MRPS35: variants seen among roughly 807,000 people sequenced by gnomAD.
MRPS35 encodes the protein small ribosomal subunit protein mS35.
In MRPS35, 29 loss-of-function variants were observed where a neutral mutation model predicts 32.7. The ratio of observed to expected loss-of-function variants is 0.89; its 90% CI spans 0.66 to 1.21. MRPS35 has a LOEUF of 1.21. MRPS35 is among the 50% of genes most tolerant of loss of function. MRPS35 has a pLI of 0.00. For synonymous variants in MRPS35, 148 were observed against 139.3 expected (o/e 1.06, Z -0.44); for missense variants, 373 against 383.8 (o/e 0.97, Z 0.23).
rs1387679667 is a variant in MRPS35, at chr12:27,716,334, G to A, written c.197G>A (p.Trp66Ter). The change falls in exon 3 of 8, where the codon TGG (tryptophan) becomes TAG (stop). Residue 66 changes from tryptophan to a stop codon, truncating the protein, a stop_gained. Coordinates refer to ENST00000081029, the MANE Select transcript of MRPS35 (RefSeq NM_021821.4). LOFTEE classifies it high-confidence loss of function. ...GAGAAAATGGCTGTTGACCAGGACTGGCCTAGTGTTTACCCAGTTGCAGCA... is the reference window on the plus strand; with the variant it reads ...GAGAAAATGGCTGTTGACCAGGACTAGCCTAGTGTTTACCCAGTTGCAGCA... The part of the protein sequence containing the change: ...RTEKMAVDQD[W>*]PSVYPVAAPF... 2 of 1,613,954 alleles carry A rather than the reference G, an allele frequency of 1.2e-6. No homozygotes were observed. The highest frequency in any genetic ancestry group is 4.5e-5 in the East Asian group (2 of 44,888).
Position 27,755,459 on chromosome 12 carries a change from G to A in MRPS35, c.*9G>A. ...TATTAAATGTGACATGAATTATGGA[G>A]TAGAAAAATCTGCTTGATTTATTAA... On this transcript the variant is annotated 3_prime_UTR_variant, in exon 8 of 8. Coordinates refer to ENST00000081029, the MANE Select transcript of MRPS35 (RefSeq NM_021821.4). The A allele has an allele frequency of 6.6e-7, 1 of 1,522,904 alleles. No individual in the cohort carries two copies. The highest frequency in any genetic ancestry group is 8.8e-7 in the Non-Finnish European group (1 of 1,142,464). The allele number at this position is 1,522,904 out of a possible 1,614,324, so 94.3% of individuals were successfully genotyped here. A position where few individuals can be genotyped will look rare whatever the true frequency, so the allele number is the denominator to read the frequency against.
intron 7 of MRPS35, chr12:27,753,118 T>C (rs1385584795): frequency 6.6e-6 from 1 of 152,188 alleles, no homozygotes; most frequent in Non-Finnish European, 1.5e-5. Context: ...CTAGAACATA[T>C]GCTGAGACGC....
chr12:27,744,312 G>T (rs146025240), intron 7 of MRPS35, among the ~76,000 whole-genome samples: 1 of 152,170 alleles, frequency 6.6e-6, no homozygotes, highest in Non-Finnish European at 1.5e-5. Context: ...CAGCTATTGA[G>T]GCTGGGCGCG....
At chr12:27,743,845 TGTC>T (rs1256227391) in intron 7 of MRPS35, among the ~76,000 whole-genome samples, 1 of 152,194 alleles carries the variant, frequency 6.6e-6, no homozygotes, top group African/African-American at 2.4e-5. Flanking sequence ...TGCAGATGGC[TGTC>T]GTCTTACTGT....
Position 27,751,862 on chromosome 12 carries a change from C to T in MRPS35, c.703-3319C>T, listed in dbSNP as rs189754351. Among the ~76,000 whole-genome samples the T allele has an allele frequency of 2.6e-4, 39 of 152,344 alleles. 3 individuals carry two copies. The East Asian group carries it at 6.2e-3, about 24-fold the overall frequency. On this transcript the variant is annotated intron_variant, in intron 7 of 7. Coordinates refer to ENST00000081029, the MANE Select transcript of MRPS35 (RefSeq NM_021821.4). ...TAACAAGTGGGGGTGTGCGCCTGCA[C>T]GCCAAACTCGCTGAGTCATGCAGGC...
At chr12:27,741,253 G>A (rs967617125) in intron 7 of MRPS35, among the ~76,000 whole-genome samples, 2 of 152,134 alleles carry the variant, frequency 1.3e-5, no homozygotes, top group Non-Finnish European at 1.5e-5. Flanking sequence ...CGTATTGTTA[G>A]CATTGGAATG....
intron 7 of MRPS35, among the ~76,000 whole-genome samples, chr12:27,754,159 C>A (rs1264784770): frequency 1.3e-5 from 2 of 151,414 alleles, no homozygotes; most frequent in African/African-American, 4.9e-5. Flanking sequence ...GAGGCTGAGG[C>A]AAGAGAATCG....
At chr12:27,725,823 T>G (rs2061897571) in intron 5 of MRPS35, among the ~76,000 whole-genome samples, 1 of 80,678 alleles carries the variant, frequency 1.2e-5, no homozygotes, top group Non-Finnish European at 2.4e-5. Flanking sequence ...TTTTTTTTTT[T>G]GAGACAGGGT....
chr12:27,754,897 T>C (rs888315855), intron 7 of MRPS35, among the ~76,000 whole-genome samples: 2 of 152,136 alleles, frequency 1.3e-5, no homozygotes, highest in Non-Finnish European at 2.9e-5. Context: ...AGACAGATTG[T>C]AATTATGTGG....
At chr12:27,751,102 C>CAAAAAAAAAAAAAAAAAAAA (rs71438703) in intron 7 of MRPS35, among the ~76,000 whole-genome samples, 14 of 38,116 alleles carry the variant, frequency 3.7e-4, no homozygotes, top group East Asian at 9.6e-4. Flanking sequence ...GACTCCATCT[C>CAAAAAAAAAAAAAAAAAAAA]AAAAAAAAAA....
intron 2 of MRPS35, 81 bp downstream of exon 2, chr12:27,714,901 G>T (rs1027637875): frequency 2.4e-6 from 3 of 1,256,996 alleles, no homozygotes; most frequent in Non-Finnish European, 3.4e-6. Context: ...AGGCAGAAGG[G>T]TGTTACCAGA....
At chr12:27,736,505 T>A (rs2061943601) in intron 6 of MRPS35, among the ~76,000 whole-genome samples, 1 of 152,172 alleles carries the variant, frequency 6.6e-6, no homozygotes, top group Non-Finnish European at 1.5e-5. Flanking sequence ...TGTTGCTTTT[T>A]TTTTTTTTAG....
chr12:27,748,474 C>T (rs2061988936), intron 7 of MRPS35, among the ~76,000 whole-genome samples: 3 of 98,932 alleles, frequency 3.0e-5, no homozygotes, highest in South Asian at 3.4e-4. Context: ...TGTGTGTGAT[C>T]CATATTTATA....
In MRPS35 at chr12:27,716,362, A is replaced by G. The variant is rs779977195; in HGVS notation, c.225A>G (p.Pro75=). The G allele has an allele frequency of 3.1e-6, 5 of 1,614,202 alleles. No homozygotes were observed. Among genetic ancestry groups the G allele is most frequent in the Non-Finnish European group, 3.4e-6 (4 of 1,180,022 alleles). The change falls in exon 3 of 8, where the codon CCA becomes CCG. Residue 75 remains proline (P), a synonymous_variant. Transcript: ENST00000081029. The part of the protein sequence containing the change: ...DWPSVYPVAA[P]FKPSAVPLPV... ...CTAGTGTTTACCCAGTTGCAGCACC[A>G]TTTAAACCCTCTGCAGTACCTCTTC...
chr12:27,721,500 A>C (rs953729780), intron 4 of MRPS35, among the ~76,000 whole-genome samples: 1 of 152,076 alleles, frequency 6.6e-6, no homozygotes, highest in African/African-American at 2.4e-5. Context: ...TCTACAAAAA[A>C]CACAAAAAAT....
chr12:27,711,452 C>T (rs1039074110), intron 1 of MRPS35, among the ~76,000 whole-genome samples: 2 of 152,126 alleles, frequency 1.3e-5, no homozygotes, highest in Admixed American at 6.5e-5. Flanking sequence ...GTGCTTACCC[C>T]GGAGGACTCT....
intron 3 of MRPS35, among the ~76,000 whole-genome samples, chr12:27,718,943 C>T (rs144291296): frequency 4.6e-5 from 7 of 152,174 alleles, no homozygotes; most frequent in South Asian, 4.1e-4. Flanking sequence ...AAAAATTAGC[C>T]GGGCATAGTG....
chr12:27,754,659 CAGG>C (rs2062018994), intron 7 of MRPS35, among the ~76,000 whole-genome samples: 1 of 150,584 alleles, frequency 6.6e-6, no homozygotes, highest in Non-Finnish European at 1.5e-5. Context: ...CCCAGCTACT[CAGG>C]AGCCTGAGGT....
chr12:27,737,693 C>G (rs1017963235), intron 7 of MRPS35, 85 bp downstream of exon 7: 8 of 1,073,948 alleles, frequency 7.4e-6, no homozygotes, highest in East Asian at 7.2e-5. Context: ...GGCAAGTACT[C>G]AACTGAGTAT....
Sources: gnomAD v4.1 joint callset for allele counts (sites outside exome capture counted in the v4.1 genomes callset) on GRCh38, gnomAD v4.1.1 for gene constraint, MANE v1.5 for transcripts, NCBI Gene and HGNC (gene_info 2026-07-23, HGNC 2026-07-21) for gene names.